The following DAB1 variants were observed in gnomAD, a reference collection of about 807,000 sequenced individuals.
DAB1 encodes disabled homolog 1.
In DAB1, 15 loss-of-function variants were observed where a neutral mutation model predicts 64.6. That is an observed-to-expected ratio of 0.23 (90% CI 0.16 to 0.36). The LOEUF is 0.36. Ranked by LOEUF, DAB1 falls within the 10% of genes least tolerant of loss-of-function variation. DAB1 has a pLI of 1.00. For missense variants in DAB1, 596 were observed against 706.7 expected, an observed-to-expected ratio of 0.84 and a Z score of 1.78; for synonymous variants, 235 against 251.9, an observed-to-expected ratio of 0.93 and a Z score of 0.64.
At chr1:57,713,871 A>C (rs112491581) in intron 6 of DAB1, among the ~76,000 whole-genome samples, 1 of 151,976 alleles carries the variant, frequency 6.6e-6, no homozygotes, top group Admixed American at 6.5e-5. Flanking sequence ...AGACATAAAA[A>C]CTACATTACA....
intron 6 of DAB1, among the ~76,000 whole-genome samples, chr1:57,709,631 G>A (rs1291632435): frequency 6.6e-6 from 1 of 152,146 alleles, no homozygotes; most frequent in Admixed American, 6.5e-5. Context: ...GGGTCCCAGA[G>A]AAAATGGGTT....
Position 57,189,417 on chromosome 1 carries a change from G to GT in DAB1, c.68-43989dup, listed in dbSNP as rs1203018058. Among the ~76,000 whole-genome samples, 3 of 152,156 alleles carry GT rather than the reference G, an allele frequency of 2.0e-5. No homozygotes were observed. In the East Asian group the frequency reaches 5.8e-4, roughly 29 times the overall value. On this transcript the variant is annotated intron_variant, in intron 2 of 14. Transcript: ENST00000371236. Reference sequence around the variant, plus strand: ...AATTATTCTGACCTTCCAAGGCCAAGTCGTGTTAGCCCTCCCTAATCCAAA... The same window carrying GT: ...AATTATTCTGACCTTCCAAGGCCAAGTTCGTGTTAGCCCTCCCTAATCCAAA...
At chr1:57,196,569 G>A (rs769761431) in intron 2 of DAB1, among the ~76,000 whole-genome samples, 7 of 152,156 alleles carry the variant, frequency 4.6e-5, no homozygotes, top group Non-Finnish European at 7.3e-5. Context: ...AGCCCAACAC[G>A]GGTGTAGGCA....
chr1:57,907,944 C>CAT lies in DAB1; in HGVS notation n.388-23784_388-23783dup, dbSNP rs748755669. Among the ~76,000 whole-genome samples, 63 of 143,922 alleles carry CAT rather than the reference C, an allele frequency of 4.4e-4. 1 individual carries two copies. The highest frequency in any genetic ancestry group is 3.4e-4 in the Non-Finnish European group (23 of 66,834). 94.4% of individuals were successfully genotyped at this position (143,922 alleles called of 152,430 possible). On this transcript the variant is annotated intron_variant and non_coding_transcript_variant, in intron 5 of 20. Coordinates refer to the DAB1 transcript ENST00000485760. The stretch of plus-strand genomic sequence containing the variant: ...ATATACACACACACACACACACACA[C>CAT]ATATATATTTCACATGGAAACCAAA...
At chr1:57,825,353 G>GA (rs1292436627), downstream of DAB1, among the ~76,000 whole-genome samples, 1 of 152,164 alleles carries the variant, frequency 6.6e-6, no homozygotes, top group Non-Finnish European at 1.5e-5. Context: ...GACCCTTCAG[G>GA]ATAGTTACTT....
rs12567531 is a variant in DAB1 at position 57,240,537 on chromosome 1, C to G, written c.67+50427G>C. Among the ~76,000 whole-genome samples the G allele has an allele frequency of 7.5e-3, 1,146 of 152,218 alleles. 31 individuals carry two copies. In the East Asian group the frequency reaches 0.08, roughly 11 times the overall value. ...TCCCTACACTACACATGAGGATAACCAAGGCTCAGAAAATATTAACTTGAC... is the reference window on the plus strand; with the variant it reads ...TCCCTACACTACACATGAGGATAACGAAGGCTCAGAAAATATTAACTTGAC... On this transcript the variant is annotated intron_variant, in intron 2 of 14. Transcript: ENST00000371236.
At chr1:57,063,021 C>A in intron 8 of DAB1, 78 bp from the exon 9 acceptor site, 1 of 1,305,362 alleles carries the variant, frequency 7.7e-7, no homozygotes, top group Admixed American at 1.7e-5. Context: ...CAGACTTCAA[C>A]TGCAAGCTGG....
chr1:57,951,249 T>C (rs570046046), intron 5 of DAB1, among the ~76,000 whole-genome samples: 14 of 146,592 alleles, frequency 9.6e-5, no homozygotes, highest in African/African-American at 3.3e-4. Context: ...AGGATAGACA[T>C]TGGGGGGTGA....
At chr1:58,363,681 C>G (rs937832968) in intron 3 of DAB1, among the ~76,000 whole-genome samples, 5 of 152,210 alleles carry the variant, frequency 3.3e-5, no homozygotes, top group African/African-American at 1.2e-4. Context: ...ATAATTAAGA[C>G]AGACACTGTG....
intron 4 of DAB1, among the ~76,000 whole-genome samples, chr1:58,245,030 T>C (rs1363244096): frequency 1.3e-5 from 2 of 152,206 alleles, no homozygotes; most frequent in Non-Finnish European, 2.9e-5. Context: ...CCTACAGAAC[T>C]AGGAACTATG....
At chr1:57,019,033 C>G (rs1646526401) in intron 11 of DAB1, among the ~76,000 whole-genome samples, 1 of 152,232 alleles carries the variant, frequency 6.6e-6, no homozygotes, top group Non-Finnish European at 1.5e-5. Flanking sequence ...GTCAGCACCA[C>G]TGGTCCTTCT....
At chr1:57,677,086 A>G (rs1198961513) in intron 6 of DAB1, among the ~76,000 whole-genome samples, 1 of 152,152 alleles carries the variant, frequency 6.6e-6, no homozygotes, top group Non-Finnish European at 1.5e-5. Flanking sequence ...GTGTCCTTAT[A>G]AGAAGAGACA....
At chr1:58,045,869 A>G (rs550075174) in intron 5 of DAB1, among the ~76,000 whole-genome samples, 119 of 151,992 alleles carry the variant, frequency 7.8e-4, no homozygotes, top group Non-Finnish European at 1.5e-3. Context: ...CTTTGGAACA[A>G]AATACATTAT....
intron 3 of DAB1, among the ~76,000 whole-genome samples, chr1:58,373,672 A>C (rs1424360700): frequency 6.6e-6 from 1 of 152,158 alleles, no homozygotes; most frequent in African/African-American, 2.4e-5. Flanking sequence ...AGCATGATTT[A>C]TAGTCATTTG....
At chr1:57,347,535 C>T (rs145828437) in intron 1 of DAB1, among the ~76,000 whole-genome samples, 6 of 152,230 alleles carry the variant, frequency 3.9e-5, no homozygotes, top group Middle Eastern at 3.4e-3. Flanking sequence ...TCCAATGATC[C>T]ACTTTGGTTC....
intron 5 of DAB1, chr1:58,048,301 T>TC: frequency 8.1e-7 from 1 of 1,236,202 alleles, no homozygotes; most frequent in Non-Finnish European, 1.2e-6. Flanking sequence ...CTCCAAAATC[T>TC]CCCCCCTTCA....
At chr1:58,174,764 C>G (rs1005764968) in intron 4 of DAB1, among the ~76,000 whole-genome samples, 25 of 152,040 alleles carry the variant, frequency 1.6e-4, no homozygotes, top group Non-Finnish European at 2.8e-4. Context: ...TGTAAATGCA[C>G]CAATCAGCAC....
chr1:57,364,244 CAACACT>C (rs2100908193), intron 1 of DAB1, among the ~76,000 whole-genome samples: 1 of 152,214 alleles, frequency 6.6e-6, no homozygotes, highest in Admixed American at 6.5e-5. Context: ...AAAAGGATCT[CAACACT>C]AAATGCAAGC....
intron 4 of DAB1, among the ~76,000 whole-genome samples, chr1:58,220,992 T>G (rs1659138386): frequency 2.1e-4 from 1 of 4,814 alleles, no homozygotes; most frequent in Non-Finnish European, 4.1e-3. Flanking sequence ...ATGAGATTGA[T>G]TTTTTTTTTT....
Sources: allele counts gnomAD v4.1 joint callset (sites outside exome capture counted in the v4.1 genomes callset), GRCh38; gene constraint gnomAD v4.1.1; transcripts MANE v1.5; gene names NCBI Gene and HGNC (gene_info 2026-07-23, HGNC 2026-07-21).